The following CD46 variants were observed in gnomAD, a reference collection of about 807,000 sequenced individuals.
CD46 encodes the protein CD46 molecule.
In CD46, 30 loss-of-function variants were observed where a neutral mutation model predicts 53.3. The observed-to-expected ratio is 0.56, with a 90% CI of 0.42 to 0.76. The LOEUF (loss-of-function observed/expected upper bound fraction) is 0.76, where lower values mean the gene tolerates loss of function less well. Ranked by LOEUF, CD46 falls within the 30% of genes least tolerant of loss-of-function variation. The probability of loss-of-function intolerance (pLI) is 0.00; values close to 1 mark genes in which losing one functional copy is unlikely to be tolerated. For synonymous variants in CD46, 142 were observed against 152.0 expected, an observed-to-expected ratio of 0.93 and a Z score of 0.48; for missense variants, 409 against 463.0, an observed-to-expected ratio of 0.88 and a Z score of 1.07.
chr1:207,767,205 T>C lies in CD46; in HGVS notation c.856+10T>C. 6.2e-7 allele frequency: 1 copy of C among 1,607,482 alleles called. No individual in the cohort carries two copies. ...CCAAAGTGTCTTAAAGGTACAAAGGTTATCTTTTTTCTGTCTTGGTTTGTT... is the reference window on the plus strand; with the variant it reads ...CCAAAGTGTCTTAAAGGTACAAAGGCTATCTTTTTTCTGTCTTGGTTTGTT... On this transcript the variant is annotated intron_variant, in intron 6 of 12. Transcript: ENST00000367042.
Position 207,752,083 on chromosome 1 carries a change from A to C in CD46, c.-130A>C, listed in dbSNP as rs1036049609. 9 of 930,240 alleles carry C rather than the reference A, an allele frequency of 9.7e-6. No homozygotes were observed. Among genetic ancestry groups the C allele is most frequent in the Admixed American group, 1.7e-5 (1 of 58,922 alleles). 57.6% of individuals were successfully genotyped at this position (930,240 alleles called of 1,614,324 possible). The stretch of plus-strand genomic sequence containing the variant: ...CTCGGGCCACGCCCACCTGTCCTGC[A>C]GCACTGGATGCTTTGTGAGTTGGGG... On this transcript the variant is annotated 5_prime_UTR_variant, in exon 1 of 13. Transcript: ENST00000367042. This position sits in a 1 kb window ranked among gnomAD's most constrained non-coding sequence, Gnocchi z 4.1.
chr1:207,757,848 T>A (rs1337102719), intron 3 of CD46, among the ~76,000 whole-genome samples: 1 of 152,262 alleles, frequency 6.6e-6, no homozygotes, highest in Admixed American at 6.5e-5. Context: ...GCAAAACTAC[T>A]TGCTGTTTCT....
chr1:207,785,587 T>C (rs1659193487), intron 10 of CD46, 32 bp from the exon 11 acceptor site: 1 of 1,498,796 alleles, frequency 6.7e-7, no homozygotes, highest in Non-Finnish European at 9.3e-7. Context: ...GTTTTCAGAA[T>C]TATATGTCAT....
intron 5 of CD46, among the ~76,000 whole-genome samples, chr1:207,765,254 A>G (rs1215267751): frequency 2.6e-5 from 4 of 152,210 alleles, no homozygotes; most frequent in African/African-American, 9.6e-5. Context: ...AGAATTCATC[A>G]TCTTATTTTT....
intron 5 of CD46, among the ~76,000 whole-genome samples, chr1:207,765,959 G>A (rs1234375307): frequency 6.6e-6 from 1 of 152,132 alleles, no homozygotes; most frequent in Non-Finnish European, 1.5e-5. Context: ...AGATGGACTC[G>A]TACTCAGCAA....
chr1:207,759,000 A>G (rs1211904047), intron 3 of CD46, among the ~76,000 whole-genome samples: 1 of 152,228 alleles, frequency 6.6e-6, no homozygotes, highest in African/African-American at 2.4e-5. Flanking sequence ...AAATCAGGGA[A>G]GATTTCATTG....
intron 9 of CD46, among the ~76,000 whole-genome samples, chr1:207,784,195 G>C (rs974075743): frequency 6.6e-6 from 1 of 152,112 alleles, no homozygotes; most frequent in Admixed American, 6.6e-5. Flanking sequence ...GAAGGGGATT[G>C]ATAAGATAAA....
intron 11 of CD46, among the ~76,000 whole-genome samples, chr1:207,788,606 T>C (rs1347315650): frequency 6.6e-6 from 1 of 152,190 alleles, no homozygotes; most frequent in Non-Finnish European, 1.5e-5. Flanking sequence ...CCAGATTGGC[T>C]GTTGTGGCCT....
At position 207,767,389 on chromosome 1, in the gene CD46, A is replaced by AT. The variant is rs932805079; in HGVS notation, c.856+200dup. 14 of 715,816 alleles carry AT rather than the reference A, an allele frequency of 2.0e-5. No individual in the cohort carries two copies. The Admixed American group carries it at 3.5e-4, about 18-fold the overall frequency. The allele number at this position is 715,816 out of a possible 1,614,324, so 44.3% of individuals were successfully genotyped here. On this transcript the variant is annotated intron_variant, in intron 6 of 12. Coordinates refer to ENST00000367042, the MANE Select transcript of CD46 (RefSeq NM_172351.3). Reference sequence around the variant, plus strand: ...ATTCACATAAAATTCTGCTGTTGTGATTTTTTGTGCTTTTCCAGGGTTCTT... The same window carrying AT: ...ATTCACATAAAATTCTGCTGTTGTGATTTTTTTGTGCTTTTCCAGGGTTCTT...
chr1:207,772,690 G>A (rs1358583459), intron 8 of CD46, among the ~76,000 whole-genome samples: 5 of 152,176 alleles, frequency 3.3e-5, no homozygotes, highest in Non-Finnish European at 7.3e-5. Flanking sequence ...CTGTTTTTGT[G>A]ATGGATTATG....
chr1:207,765,689 G>A (rs567561718), intron 5 of CD46, among the ~76,000 whole-genome samples: 4 of 152,292 alleles, frequency 2.6e-5, no homozygotes, highest in African/African-American at 9.6e-5. Context: ...TATTGACAAG[G>A]ATATGGAGCA....
At chr1:207,763,461 A>G (rs529001885) in intron 5 of CD46, among the ~76,000 whole-genome samples, 1 of 152,256 alleles carries the variant, frequency 6.6e-6, no homozygotes, top group Admixed American at 6.5e-5. Context: ...GCTCTCCTCA[A>G]GGGCTTTTTG....
chr1:207,753,791 C>T (rs1002127356), intron 1 of CD46, among the ~76,000 whole-genome samples: 5 of 152,288 alleles, frequency 3.3e-5, no homozygotes, highest in South Asian at 2.1e-4. Context: ...CCTTCATGTG[C>T]GCGTCATGTG....
At chr1:207,777,472 CTCT>C (rs1658241724) in intron 8 of CD46, among the ~76,000 whole-genome samples, 1 of 152,062 alleles carries the variant, frequency 6.6e-6, no homozygotes, top group African/African-American at 2.4e-5. Flanking sequence ...ACCTTTTCTG[CTCT>C]TCTTCCTACT....
intron 3 of CD46, 36 bp from the exon 4 acceptor site, chr1:207,759,603 C>A: frequency 9.1e-7 from 1 of 1,102,296 alleles, no homozygotes; most frequent in Non-Finnish European, 1.4e-6. Context: ...TTATTAATTG[C>A]TATACAAAAC....
intron 1 of CD46, among the ~76,000 whole-genome samples, chr1:207,753,933 C>CA (rs1246686445): frequency 6.6e-6 from 1 of 152,140 alleles, no homozygotes; most frequent in Non-Finnish European, 1.5e-5. Context: ...TAGGCAATAA[C>CA]AAACCATTCC....
chr1:207,767,382 T>C, intron 6 of CD46, 187 bp downstream of exon 6: 1 of 720,546 alleles, frequency 1.4e-6, no homozygotes, highest in Non-Finnish European at 2.4e-6. Context: ...AAAATTCTGC[T>C]GTTGTGATTT....
intron 9 of CD46, among the ~76,000 whole-genome samples, chr1:207,784,843 G>A (rs531711296): frequency 5.3e-5 from 8 of 152,270 alleles, no homozygotes; most frequent in South Asian, 2.1e-4. Flanking sequence ...ATCAGATCTC[G>A]TGAGAACTTA....
At chr1:207,762,088 A>T (rs774907243) in intron 5 of CD46, among the ~76,000 whole-genome samples, 2 of 152,244 alleles carry the variant, frequency 1.3e-5, no homozygotes, top group Non-Finnish European at 2.9e-5. Context: ...GCATTATCAC[A>T]ATAGAATGAA....
Sources: gnomAD v4.1 joint callset for allele counts (sites outside exome capture counted in the v4.1 genomes callset) on GRCh38, gnomAD v4.1.1 for gene constraint, Gnocchi (gnomAD v3.1) non-coding constraint, MANE v1.5 for transcripts, NCBI Gene and HGNC (gene_info 2026-07-23, HGNC 2026-07-21) for gene names.